ZNF19: variants seen among roughly 807,000 people sequenced by gnomAD.
ZNF19 encodes zinc finger protein 19 (KOX 12).
A neutral mutation model predicts 13.1 loss-of-function variants in ZNF19; 11 were observed. The ratio of observed to expected loss-of-function variants is 0.84; its 90% CI spans 0.53 to 1.39. The LOEUF is 1.39. Ranked by LOEUF, ZNF19 falls within the 40% of genes most tolerant of loss-of-function variation. The pLI is 0.00. For synonymous variants in ZNF19, 186 were observed against 187.0 expected (o/e 0.99, Z 0.04); for missense variants, 560 against 547.0 (o/e 1.02, Z -0.24).
chr16:71,487,683 A>G (rs1399586771), intron 1 of ZNF19, among the ~76,000 whole-genome samples: 1 of 152,204 alleles, frequency 6.6e-6, no homozygotes, highest in Non-Finnish European at 1.5e-5. Flanking sequence ...ATATCAGATC[A>G]TGATACCCAG....
chr16:71,482,824 C>T (rs193172969), intron 2 of ZNF19, among the ~76,000 whole-genome samples: 181 of 152,322 alleles, frequency 1.2e-3, no homozygotes, highest in Non-Finnish European at 2.0e-3. Flanking sequence ...GCCTCAGCCT[C>T]TCAAGTAACT....
rs1401179863 is a variant in ZNF19 at position 71,476,424 on chromosome 16, A to G, written c.275-152T>C. On this transcript the variant is annotated intron_variant, in intron 5 of 5. Coordinates refer to ENST00000288177, the MANE Select transcript of ZNF19 (RefSeq NM_006961.4). ...AAGGCTGTTAAAGTGAAAGTGCCAAATATCACACAGGCAGAGAACATTGAG... is the reference window on the plus strand; with the variant it reads ...AAGGCTGTTAAAGTGAAAGTGCCAAGTATCACACAGGCAGAGAACATTGAG... 4 of 880,478 alleles carry G rather than the reference A, an allele frequency of 4.5e-6. No homozygotes were observed. The Admixed American group carries it at 8.9e-5, about 20-fold the overall frequency. The allele number at this position is 880,478 out of a possible 1,614,324, so 54.5% of individuals were successfully genotyped here. A position where few individuals can be genotyped will look rare whatever the true frequency, so the allele number is the denominator to read the frequency against.
intron 2 of ZNF19, 95 bp from the exon 3 acceptor site, chr16:71,482,238 T>C (rs1462548767): frequency 5.4e-6 from 6 of 1,110,668 alleles, no homozygotes; most frequent in Middle Eastern, 2.0e-4. Flanking sequence ...CAGCATTCAC[T>C]TACTAAATGC....
chr16:71,478,447 T>C (rs781298529), intron 4 of ZNF19, 106 bp from the exon 5 acceptor site: 81 of 823,950 alleles, frequency 9.8e-5, no homozygotes, highest in Non-Finnish European at 1.6e-4. Flanking sequence ...AAGAGGGTTC[T>C]CGACTGGAGA....
At chr16:71,477,293 CCAGA>C (rs1417678219) in intron 5 of ZNF19, among the ~76,000 whole-genome samples, 3 of 152,148 alleles carry the variant, frequency 2.0e-5, no homozygotes, top group Non-Finnish European at 2.9e-5. Context: ...AGAATAATCA[CCAGA>C]CAGAGGAAGC....
rs1404045303 is a variant in ZNF19 at position 71,478,469 on chromosome 16, A to T, written c.161-128T>A. 12 of 744,440 alleles carry T rather than the reference A, an allele frequency of 1.6e-5. No individual in the cohort carries two copies. In the Admixed American group the frequency reaches 2.4e-4, roughly 15 times the overall value. 46.1% of individuals were successfully genotyped at this position (744,440 alleles called of 1,614,324 possible). On this transcript the variant is annotated intron_variant, in intron 4 of 5. Transcript: ENST00000288177. ...TTCTCGACTGGAGAAGGCCAAAGAGATTCCGATCAACAGGAAACTGAGCAT... is the reference window on the plus strand; with the variant it reads ...TTCTCGACTGGAGAAGGCCAAAGAGTTTCCGATCAACAGGAAACTGAGCAT...
intron 5 of ZNF19, 57 bp from the exon 6 acceptor site, chr16:71,476,329 A>G: frequency 2.0e-6 from 3 of 1,506,532 alleles, no homozygotes; most frequent in Non-Finnish European, 8.9e-7. Flanking sequence ...ACTAGAAATA[A>G]TAGAGCATTG....
At chr16:71,488,275 G>A (rs979217145) in intron 1 of ZNF19, among the ~76,000 whole-genome samples, 1 of 150,986 alleles carries the variant, frequency 6.6e-6, no homozygotes, top group African/African-American at 2.4e-5. Flanking sequence ...CATGAGAATT[G>A]CTTGAACCCG....
In ZNF19 at chr16:71,475,203, G is replaced by C; in HGVS notation, c.1344C>G (p.Gly448=). Reference sequence around the variant, plus strand: ...AAAAGGGGGTAAAAAATTCTGGGAGGCCAAAACGACAAATGTCCAGCACAG... The same window carrying C: ...AAAAGGGGGTAAAAAATTCTGGGAGCCCAAAACGACAAATGTCCAGCACAG... ...EKPVLDICRF[G]LPEFFTPFYW The change falls in exon 6 of 6, where the codon GGC becomes GGG. Residue 448 remains glycine (G), a synonymous_variant. Coordinates refer to ENST00000288177, the MANE Select transcript of ZNF19 (RefSeq NM_006961.4). 6.2e-7 allele frequency: 1 copy of C among 1,611,202 alleles called. No individual in the cohort carries two copies. Among genetic ancestry groups the C allele is most frequent in the South Asian group, 1.1e-5 (1 of 90,490 alleles).
In ZNF19 at chr16:71,475,029, C is replaced by T. The variant is rs2043590534; in HGVS notation, c.*141G>A. ...TTGCAATCCTGGGACTCTAATTGAA[C>T]CATCTTTGGTCATCTACTGACATCT... On this transcript the variant is annotated 3_prime_UTR_variant, in exon 6 of 6. Coordinates refer to ENST00000288177, the MANE Select transcript of ZNF19 (RefSeq NM_006961.4). The T allele has an allele frequency of 3.8e-6, 4 of 1,065,068 alleles. No individual in the cohort carries two copies. The South Asian group carries it at 5.2e-5, about 14-fold the overall frequency. The allele number at this position is 1,065,068 out of a possible 1,614,324, so 66.0% of individuals were successfully genotyped here.
At chr16:71,484,834 T>A in intron 1 of ZNF19, 86 bp from the exon 2 acceptor site, 1 of 627,414 alleles carries the variant, frequency 1.6e-6, no homozygotes, top group Non-Finnish European at 2.0e-6. Flanking sequence ...AACAAACTAC[T>A]GTAGTATCAG....
At chr16:71,482,221 T>A (rs1450380518) in intron 2 of ZNF19, 78 bp from the exon 3 acceptor site, 4 of 1,384,512 alleles carry the variant, frequency 2.9e-6, no homozygotes, top group Non-Finnish European at 3.0e-6. Flanking sequence ...AATTTGCCAA[T>A]AGCAAGCAGC....
At chr16:71,481,944 G>T in intron 3 of ZNF19, 138 bp downstream of exon 3, 1 of 873,934 alleles carries the variant, frequency 1.1e-6, no homozygotes, top group Non-Finnish European at 1.9e-6. Context: ...TCTTTCCCCA[G>T]CACCCAGTCC....
Position 71,475,206 on chromosome 16 carries a change from A to G in ZNF19, c.1341T>C (p.Phe447=). 6.2e-7 allele frequency: 1 copy of G among 1,612,376 alleles called. No homozygotes were observed. Residue 447 remains phenylalanine, a synonymous_variant, in exon 6 of 6, where the codon TTT becomes TTC. Transcript: ENST00000288177. The stretch of plus-strand genomic sequence containing the variant: ...AGGGGGTAAAAAATTCTGGGAGGCC[A>G]AAACGACAAATGTCCAGCACAGGCT... ...GEKPVLDICR[F]GLPEFFTPFY...
At chr16:71,484,184 C>T (rs984684422) in intron 2 of ZNF19, among the ~76,000 whole-genome samples, 2 of 152,218 alleles carry the variant, frequency 1.3e-5, no homozygotes, top group Non-Finnish European at 2.9e-5. Flanking sequence ...TAATACATGA[C>T]TTTCCCATTG....
chr16:71,475,171 T>A lies in ZNF19; in HGVS notation c.1376A>T (p.Ter459LeuextTer1). Reference sequence around the variant, plus strand: ...AGTACATTTCACTGGAGTGTACTATTACCAGTAAAAGGGGGTAAAAAATTC... The same window carrying A: ...AGTACATTTCACTGGAGTGTACTATAACCAGTAAAAGGGGGTAAAAAATTC... ...LPEFFTPFYW* is the reference protein window; with the variant it reads ...LPEFFTPFYWL Residue 459 changes from the stop codon to leucine (L), a stop_lost, in exon 6 of 6, where the codon TAA becomes TTA. Coordinates refer to ENST00000288177, the MANE Select transcript of ZNF19 (RefSeq NM_006961.4). 1.3e-6 allele frequency: 2 copies of A among 1,581,248 alleles called. No homozygotes were observed. The highest frequency in any genetic ancestry group is 1.3e-5 in the African/African-American group (1 of 74,504).
intron 1 of ZNF19, among the ~76,000 whole-genome samples, chr16:71,485,521 T>G (rs2043672461): frequency 6.8e-6 from 1 of 148,006 alleles, no homozygotes; most frequent in Admixed American, 6.7e-5. Flanking sequence ...GAGGGATATA[T>G]TAAGTAACTA....
chr16:71,483,215 C>G (rs2043649161), intron 2 of ZNF19, among the ~76,000 whole-genome samples: 1 of 152,310 alleles, frequency 6.6e-6, no homozygotes, highest in East Asian at 1.9e-4. Context: ...AAACCAGAAA[C>G]TGATTACCAA....
chr16:71,483,159 T>C (rs1004536019), intron 2 of ZNF19, among the ~76,000 whole-genome samples: 2 of 152,232 alleles, frequency 1.3e-5, no homozygotes, highest in Non-Finnish European at 2.9e-5. Context: ...TACTTGGACC[T>C]GGAGCAGGCA....
Sources: allele counts gnomAD v4.1 joint callset (sites outside exome capture counted in the v4.1 genomes callset), GRCh38; gene constraint gnomAD v4.1.1; transcripts MANE v1.5; gene names NCBI Gene and HGNC (gene_info 2026-07-23, HGNC 2026-07-21).